Variants in POTEJ observed in about 807,000 individuals in gnomAD.
POTEJ encodes the protein POTE ankyrin domain family, member J.
A neutral mutation model predicts 69.0 loss-of-function variants in POTEJ; 11 were observed. The ratio of observed to expected loss-of-function variants is 0.16; its 90% confidence interval spans 0.10 to 0.26. POTEJ has a LOEUF of 0.26. Ranked by LOEUF, POTEJ falls within the 10% of genes least tolerant of loss-of-function variation. The probability of loss-of-function intolerance (pLI) is 1.00; values close to 1 mark genes in which losing one functional copy is unlikely to be tolerated. For missense variants in POTEJ, 327 were observed against 1,045.5 expected (o/e 0.31, Z 9.48); for synonymous variants, 117 against 381.1 (o/e 0.31, Z 8.07).
At chr2:130,632,975 A>G (rs1398468503) in intron 9 of POTEJ, among the ~76,000 whole-genome samples, 4 of 147,836 alleles carry the variant, frequency 2.7e-5, no homozygotes, top group Non-Finnish European at 6.0e-5. Flanking sequence ...TGGACGGCAG[A>G]TTATTTCATC....
Position 130,657,871 on chromosome 2 carries a change from C to T in POTEJ, c.3111C>T (p.Cys1037=), listed in dbSNP as rs1364948132. Residue 1037 remains cysteine, a synonymous_variant, in exon 15 of 15, where the codon TGC becomes TGT. Transcript: ENST00000409602. The stretch of plus-strand genomic sequence containing the variant: ...GCCCCTCCATTGTCCACCGCAAATG[C>T]TTCTAGGTGGACTCTGACTTAGTTG... ...ESGPSIVHRK[C]F 1 of 533,750 alleles carries T rather than the reference C, an allele frequency of 1.9e-6. No homozygotes were observed. The allele number at this position is 533,750 out of a possible 1,614,324, so 33.1% of individuals were successfully genotyped here. A position where few individuals can be genotyped will look rare whatever the true frequency, so the allele number is the denominator to read the frequency against.
intron 13 of POTEJ, among the ~76,000 whole-genome samples, chr2:130,651,566 CA>C (rs1401003351): frequency 7.9e-6 from 1 of 127,302 alleles, no homozygotes; most frequent in East Asian, 2.1e-4. Flanking sequence ...TCATCTTAAC[CA>C]GAAGAGTTCT....
At chr2:130,646,619 C>T (rs1248907217) in intron 13 of POTEJ, among the ~76,000 whole-genome samples, 33 of 144,874 alleles carry the variant, frequency 2.3e-4, no homozygotes, top group African/African-American at 5.9e-4. Flanking sequence ...ATCATGGAGG[C>T]TTGGGGTACA....
At chr2:130,624,539 G>A (rs540339127) in intron 6 of POTEJ, among the ~76,000 whole-genome samples, 309 of 151,878 alleles carry the variant, frequency 2.0e-3, no homozygotes, top group African/African-American at 7.1e-3. Flanking sequence ...ACTGGAGGCA[G>A]AGTACAGGCG....
intron 6 of POTEJ, among the ~76,000 whole-genome samples, 167 bp from the exon 7 acceptor site, chr2:130,629,767 AGGTGTCTCCCCAAGT>A (rs1685840103): frequency 9.3e-6 from 1 of 107,718 alleles, no homozygotes; most frequent in Admixed American, 9.5e-5. Context: ...GAATGACATC[AGGTGTCTCCCCAAGT>A]GGTTTGTTGA....
chr2:130,650,291 T>C (rs1376622228), intron 13 of POTEJ, among the ~76,000 whole-genome samples: 1 of 152,272 alleles, frequency 6.6e-6, no homozygotes, highest in Admixed American at 6.5e-5. Flanking sequence ...TTTCTGGCCA[T>C]CCCAACTTTC....
At chr2:130,637,801 A>G (rs1442564939) in intron 9 of POTEJ, among the ~76,000 whole-genome samples, 2 of 151,802 alleles carry the variant, frequency 1.3e-5, no homozygotes, top group Non-Finnish European at 2.9e-5. Context: ...TATATAAAGC[A>G]TCATCGTAAC....
chr2:130,637,417 C>G (rs1175826021), intron 9 of POTEJ, among the ~76,000 whole-genome samples: 2 of 150,014 alleles, frequency 1.3e-5, no homozygotes, highest in Admixed American at 1.3e-4. Context: ...ATGCATTTCT[C>G]CTGCCTCAGC....
intron 14 of POTEJ, among the ~76,000 whole-genome samples, chr2:130,655,350 C>T (rs1203116706): frequency 1.2e-4 from 18 of 152,182 alleles, no homozygotes; most frequent in Non-Finnish European, 2.4e-4. Context: ...CAGATTTTCT[C>T]GTTTTTGGAC....
intron 9 of POTEJ, among the ~76,000 whole-genome samples, chr2:130,636,256 A>G (rs1245248600): frequency 6.6e-6 from 1 of 152,198 alleles, no homozygotes; most frequent in African/African-American, 2.4e-5. Flanking sequence ...AGGAACATCC[A>G]CTTTCTGAGG....
intron 14 of POTEJ, among the ~76,000 whole-genome samples, chr2:130,655,576 G>A (rs1360243421): frequency 1.3e-5 from 2 of 152,172 alleles, no homozygotes; most frequent in Non-Finnish European, 2.9e-5. Flanking sequence ...ATAATTTATT[G>A]ATAAGTATTT....
At chr2:130,618,498 G>A (rs1207141417) in intron 3 of POTEJ, among the ~76,000 whole-genome samples, 5 of 149,264 alleles carry the variant, frequency 3.3e-5, no homozygotes, top group Admixed American at 3.3e-4. Context: ...CAGCTGCTAG[G>A]GAGGCTGAGG....
chr2:130,624,600 CT>C (rs1463640804), intron 6 of POTEJ, among the ~76,000 whole-genome samples: 2 of 152,058 alleles, frequency 1.3e-5, no homozygotes, highest in Non-Finnish European at 2.9e-5. Flanking sequence ...GCTTCCCTGG[CT>C]TGCCTGCTGC....
chr2:130,624,019 T>A, intron 5 of POTEJ, 45 bp from the exon 6 acceptor site: 1 of 1,485,128 alleles, frequency 6.7e-7, no homozygotes. Flanking sequence ...GATTTTTATA[T>A]CAGTATTAAA....
At chr2:130,637,618 T>G (rs1201451503) in intron 9 of POTEJ, among the ~76,000 whole-genome samples, 2 of 152,376 alleles carry the variant, frequency 1.3e-5, no homozygotes, top group East Asian at 3.9e-4. Flanking sequence ...TCATGTAAGG[T>G]GGTCTGTGAG....
chr2:130,640,762 C>T (rs1172463830), intron 10 of POTEJ, among the ~76,000 whole-genome samples: 2 of 152,152 alleles, frequency 1.3e-5, no homozygotes, highest in Admixed American at 6.5e-5. Context: ...AAGGTAAATA[C>T]CTGATTAGCT....
chr2:130,622,610 G>A (rs1685578194), intron 5 of POTEJ, among the ~76,000 whole-genome samples: 1 of 138,724 alleles, frequency 7.2e-6, no homozygotes, highest in Non-Finnish European at 1.6e-5. Context: ...CTTCCCCTGA[G>A]CAGTGGCTCC....
At chr2:130,622,728 A>T (rs1450810137) in intron 5 of POTEJ, 1 of 150,912 alleles carries the variant, frequency 6.6e-6, no homozygotes, top group Non-Finnish European at 1.5e-5. Context: ...ACTCTAGCTC[A>T]CAGGAAGCCA....
chr2:130,624,492 C>T (rs1685631495), intron 6 of POTEJ, among the ~76,000 whole-genome samples: 2 of 151,566 alleles, frequency 1.3e-5, no homozygotes, highest in South Asian at 2.1e-4. Context: ...ACAACAGGTT[C>T]ATGCTCCAAT....
Sources: allele counts gnomAD v4.1 joint callset (sites outside exome capture counted in the v4.1 genomes callset), GRCh38; gene constraint gnomAD v4.1.1; transcripts MANE v1.5; gene names NCBI Gene and HGNC (gene_info 2026-07-23, HGNC 2026-07-21).